Variants in RANBP2 observed in about 807,000 individuals in gnomAD.
The protein encoded by RANBP2 is RAN binding protein 2, also known as E3 SUMO-protein ligase RanBP2.
RANBP2 carries 57 observed loss-of-function variants against 303.6 expected under a neutral mutation model. The observed-to-expected ratio is 0.19, with a 90% CI of 0.15 to 0.23. The LOEUF is 0.23. Ranked by LOEUF, RANBP2 falls within the 10% of genes least tolerant of loss-of-function variation. The probability of loss-of-function intolerance (pLI) is 1.00; values close to 1 mark genes in which losing one functional copy is unlikely to be tolerated. For synonymous variants in RANBP2, 1,167 were observed against 1,301.5 expected (o/e 0.90, Z 2.23); for missense variants, 3,138 against 3,780.8 (o/e 0.83, Z 4.46).
At chr2:108,910,981 CATG>C in the RANBP2 span, 1 of 1,614,124 alleles carries the variant, frequency 6.2e-7, no homozygotes, top group Non-Finnish European at 8.5e-7. Context: ...GGATGTAGAA[CATG>C]ATGATGAGGA....
the RANBP2 span, among the ~76,000 whole-genome samples, chr2:109,372,308 C>T: frequency 6.6e-6 from 1 of 152,208 alleles, no homozygotes; most frequent in Admixed American, 6.5e-5. Context: ...ACACGTGTGT[C>T]TTTAAAACAC....
chr2:108,720,709 TA>T (rs1694165514), intron 1 of RANBP2, among the ~76,000 whole-genome samples: 1 of 152,256 alleles, frequency 6.6e-6, no homozygotes, highest in African/African-American at 2.4e-5. Context: ...GCTTGACACA[TA>T]GCACTAAATG....
chr2:109,064,479 A>AAC, the RANBP2 span, among the ~76,000 whole-genome samples: 2,115 of 140,582 alleles, frequency 0.015, 73 homozygotes, highest in African/African-American at 0.045. Context: ...AAACAAAAAC[A>AAC]AACTGGTAAA....
At chr2:108,868,398 T>C in the RANBP2 span, among the ~76,000 whole-genome samples, 4 of 152,214 alleles carry the variant, frequency 2.6e-5, no homozygotes, top group African/African-American at 7.2e-5. Context: ...TAACTATAAA[T>C]TTATGTAAAA....
chr2:109,483,943 A>AC, the RANBP2 span, among the ~76,000 whole-genome samples: 2 of 148,428 alleles, frequency 1.3e-5, no homozygotes, highest in African/African-American at 5.0e-5. Flanking sequence ...GCCCCCCACA[A>AC]CCCCCGCCAT....
the RANBP2 span, among the ~76,000 whole-genome samples, chr2:108,893,191 C>T: frequency 7.5e-6 from 1 of 133,560 alleles, no homozygotes; most frequent in Non-Finnish European, 1.6e-5. Context: ...TTTAATTTTC[C>T]TTTATATTTT....
At chr2:109,387,911 C>G in the RANBP2 span, among the ~76,000 whole-genome samples, 5 of 152,124 alleles carry the variant, frequency 3.3e-5, no homozygotes, top group East Asian at 9.8e-4. Flanking sequence ...CCCTTCCTGA[C>G]TCGTTCCACT....
chr2:108,765,988 G>A lies in RANBP2; in HGVS notation c.5449G>A (p.Ala1817Thr), dbSNP rs1309155199. The A allele has an allele frequency of 2.5e-6, 4 of 1,614,042 alleles. No individual in the cohort carries two copies. The highest frequency in any genetic ancestry group is 2.7e-5 in the African/African-American group (2 of 74,938). Residue 1817 changes from alanine (A) to threonine (T), a missense_variant, in exon 20 of 29, where the codon GCT (alanine) becomes ACT (threonine). Ala to Thr is a moderately conservative substitution (Grantham distance 58, BLOSUM62 0). This residue lies in a region of RANBP2 where 348 missense variants were observed against 360.4 expected (regional missense o/e 0.97). Transcript: ENST00000283195. ...ACCAACTCATAAACCTATTGCAGAA[G>A]CTCCTTCAGCTTTCACACTGGGCTC... ...SKPTHKPIAE[A>T]PSAFTLGSEM...
At chr2:108,805,810 T>C in the RANBP2 span, among the ~76,000 whole-genome samples, 2 of 152,166 alleles carry the variant, frequency 1.3e-5, no homozygotes, top group Non-Finnish European at 2.9e-5. Flanking sequence ...TCTATTTTTT[T>C]CCTTCCATCT....
the RANBP2 span, among the ~76,000 whole-genome samples, chr2:109,408,566 C>A: frequency 1.3e-5 from 2 of 152,260 alleles, no homozygotes; most frequent in African/African-American, 4.8e-5. Flanking sequence ...TCCTCCCATT[C>A]GCTGTCCCCT....
At chr2:109,500,486 G>A in the RANBP2 span, among the ~76,000 whole-genome samples, 123 of 152,288 alleles carry the variant, frequency 8.1e-4, 1 homozygote, top group African/African-American at 2.8e-3. Context: ...CAGCATATTG[G>A]TCTGAAGACA....
chr2:109,265,713 T>G, the RANBP2 span, among the ~76,000 whole-genome samples: 3 of 152,242 alleles, frequency 2.0e-5, no homozygotes, highest in Non-Finnish European at 4.4e-5. Context: ...AGTCAGAAAC[T>G]CTGAAGGGAA....
Position 108,764,621 on chromosome 2 carries a change from G to A in RANBP2, c.4082G>A (p.Cys1361Tyr). 6.2e-7 allele frequency: 1 copy of A among 1,614,040 alleles called. No individual in the cohort carries two copies. Among genetic ancestry groups the A allele is most frequent in the South Asian group, 1.1e-5 (1 of 91,080 alleles). ...GGGTCTTGGTGGCATTGTAACAGCT[G>A]CTCATTAAAGAATGCTTCAACTGCT... ...KEGSWWHCNS[C>Y]SLKNASTAKK... The change falls in exon 20 of 29, where the codon TGC (cysteine) becomes TAC (tyrosine). Residue 1361 changes from cysteine to tyrosine, a missense_variant. Transcript: ENST00000283195.
At chr2:109,386,905 C>T in the RANBP2 span, among the ~76,000 whole-genome samples, 1 of 152,324 alleles carries the variant, frequency 6.6e-6, no homozygotes, top group Non-Finnish European at 1.5e-5. Flanking sequence ...TGCCGCAGCT[C>T]AGGAGGTCTC....
chr2:109,516,512 A>G, the RANBP2 span, among the ~76,000 whole-genome samples: 1 of 152,250 alleles, frequency 6.6e-6, no homozygotes. Context: ...CGGGTCACAG[A>G]GAGCCCGCCC....
the RANBP2 span, among the ~76,000 whole-genome samples, chr2:109,070,079 C>T: frequency 3.3e-5 from 5 of 152,138 alleles, no homozygotes; most frequent in Admixed American, 6.5e-5. Flanking sequence ...CAGCCTGCGA[C>T]GTGCTGGGAA....
chr2:109,707,518 C>T, the RANBP2 span, among the ~76,000 whole-genome samples: 1 of 152,202 alleles, frequency 6.6e-6, no homozygotes, highest in Admixed American at 6.5e-5. Flanking sequence ...TTATAAAACA[C>T]CACTACAATT....
the RANBP2 span, among the ~76,000 whole-genome samples, chr2:109,345,281 G>A: frequency 6.6e-6 from 1 of 152,254 alleles, no homozygotes; most frequent in African/African-American, 2.4e-5. Context: ...AGAGAAGGCT[G>A]ATGGTGGGGA....
chr2:108,846,885 TTGAGATTTTTATCAAC>T, the RANBP2 span: 1 of 1,613,442 alleles, frequency 6.2e-7, no homozygotes. Context: ...CAATTTGCCA[TTGAGATTTTTATCAAC>T]CTTAATTGTT....
Sources: allele counts gnomAD v4.1 joint callset (sites outside exome capture counted in the v4.1 genomes callset), GRCh38; gene constraint gnomAD v4.1.1; regional missense constraint gnomAD v4.1.1; transcripts MANE v1.5; gene names NCBI Gene and HGNC (gene_info 2026-07-23, HGNC 2026-07-21).